RBFOX1: variants seen among roughly 807,000 people sequenced by gnomAD.
RBFOX1 encodes RNA binding protein fox-1 homolog 1.
A neutral mutation model predicts 57.7 loss-of-function variants in RBFOX1; 8 were observed. The ratio of observed to expected loss-of-function variants is 0.14; its 90% CI spans 0.08 to 0.25. The LOEUF (loss-of-function observed/expected upper bound fraction) is 0.25, where lower values mean the gene tolerates loss of function less well. Ranked by LOEUF, RBFOX1 falls within the 10% of genes least tolerant of loss-of-function variation. The pLI, the probability that RBFOX1 is intolerant of heterozygous loss-of-function variation, is 1.00. For missense variants in RBFOX1, 611 were observed against 548.5 expected, an observed-to-expected ratio of 1.11 and a Z score of -1.14; for synonymous variants, 326 against 222.4, an observed-to-expected ratio of 1.47 and a Z score of -4.15.
intron 4 of RBFOX1, among the ~76,000 whole-genome samples, chr16:7,122,844 A>G (rs1340232564): frequency 6.6e-6 from 1 of 152,210 alleles, no homozygotes; most frequent in South Asian, 2.1e-4. Context: ...CATTACATGT[A>G]CACGTGGAAT....
intron 4 of RBFOX1, among the ~76,000 whole-genome samples, chr16:5,971,325 C>T (rs530925567): frequency 8.7e-4 from 133 of 152,180 alleles, no homozygotes; most frequent in African/African-American, 2.9e-3. Context: ...CATGTGTGGA[C>T]GTTATCCTCA....
intron 14 of RBFOX1, among the ~76,000 whole-genome samples, chr16:7,698,079 G>A (rs764728420): frequency 3.3e-5 from 5 of 152,032 alleles, no homozygotes; most frequent in African/African-American, 4.8e-5. Context: ...TTCACCAGAC[G>A]TCTTTTTGCT....
intron 2 of RBFOX1, among the ~76,000 whole-genome samples, chr16:6,539,379 A>G (rs1390798136): frequency 1.3e-5 from 2 of 152,194 alleles, no homozygotes; most frequent in South Asian, 2.1e-4. Context: ...TTAGCGTAGC[A>G]TCTGGCACAC....
intron 2 of RBFOX1, among the ~76,000 whole-genome samples, chr16:6,371,525 T>A (rs1484087140): frequency 6.6e-6 from 1 of 152,148 alleles, no homozygotes; most frequent in Non-Finnish European, 1.5e-5. Context: ...CATTTTGACA[T>A]AAACCCGTAA....
chr16:7,206,413 T>G (rs2089977771), intron 4 of RBFOX1, among the ~76,000 whole-genome samples: 1 of 150,956 alleles, frequency 6.6e-6, no homozygotes, highest in South Asian at 2.1e-4. Context: ...ATTTACTTAC[T>G]GAAATATATA....
At chr16:6,960,805 G>A (rs1317946414) in intron 3 of RBFOX1, among the ~76,000 whole-genome samples, 1 of 151,720 alleles carries the variant, frequency 6.6e-6, no homozygotes, top group Non-Finnish European at 1.5e-5. Flanking sequence ...ATTGGCCCAG[G>A]GTTGGGTACC....
At chr16:6,930,531 T>C (rs1251102565) in intron 3 of RBFOX1, among the ~76,000 whole-genome samples, 4 of 152,058 alleles carry the variant, frequency 2.6e-5, no homozygotes, top group East Asian at 3.9e-4. Context: ...TGCCTCAGCC[T>C]CCCAAGCAGT....
intron 2 of RBFOX1, among the ~76,000 whole-genome samples, chr16:6,629,805 C>G (rs986896697): frequency 2.8e-4 from 42 of 152,166 alleles, no homozygotes; most frequent in Non-Finnish European, 5.1e-4. Context: ...CACAGCCTCT[C>G]CATTTAAGAT....
rs116446618 is a variant in RBFOX1 at position 7,242,777 on chromosome 16, C to G, written c.27+190679C>G. 6.8e-3 allele frequency among the ~76,000 whole-genome samples: 1,040 copies of G among 152,346 alleles called. 18 individuals are homozygous for G. The highest frequency in any genetic ancestry group is 0.023 in the African/African-American group (958 of 41,582). On this transcript the variant is annotated intron_variant, in intron 4 of 15. Transcript: ENST00000550418. ...TGGACTAACTAGTTGTCTGCAAGAA[C>G]TGGCTAAACGGCTCAGCCAAATTTT... is the stretch of plus-strand genomic sequence containing the variant.
At chr16:6,642,498 C>G (rs767759769) in intron 2 of RBFOX1, among the ~76,000 whole-genome samples, 1 of 151,912 alleles carries the variant, frequency 6.6e-6, no homozygotes, top group African/African-American at 2.4e-5. Context: ...AGCCAGCAAC[C>G]CTCGAGTTAC....
At chr16:5,707,598 T>G (rs1163203569) in intron 3 of RBFOX1, among the ~76,000 whole-genome samples, 1 of 152,184 alleles carries the variant, frequency 6.6e-6, no homozygotes. Flanking sequence ...AGTACAATAT[T>G]TAAAGGCACA....
At chr16:6,113,552 G>C (rs541268539) in intron 1 of RBFOX1, among the ~76,000 whole-genome samples, 1 of 152,286 alleles carries the variant, frequency 6.6e-6, no homozygotes, top group East Asian at 1.9e-4. Flanking sequence ...CAGAGACACA[G>C]CTCTTGAAGC....
In RBFOX1 at chr16:6,786,155, G is replaced by A. The variant is rs62016103; in HGVS notation, c.-16+131505G>A. ...GGGTCCCCCTAAATGAATGGAGTTC[G>A]GGGGCCAGGCGAAGATTCCCATGAC... On this transcript the variant is annotated intron_variant, in intron 3 of 15. Coordinates refer to ENST00000550418, the MANE Select transcript of RBFOX1 (RefSeq NM_018723.4). Among the ~76,000 whole-genome samples the A allele has an allele frequency of 1.3e-4, 20 of 152,170 alleles. No individual in the cohort carries two copies. The South Asian group carries it at 2.3e-3, about 17-fold the overall frequency.
chr16:7,263,043 T>G (rs1327904055), intron 4 of RBFOX1, among the ~76,000 whole-genome samples: 2 of 152,222 alleles, frequency 1.3e-5, no homozygotes, highest in Non-Finnish European at 2.9e-5. Flanking sequence ...GTGGAATGAC[T>G]GTTCTCTCCT....
At chr16:5,701,604 T>C (rs1487828790) in intron 3 of RBFOX1, among the ~76,000 whole-genome samples, 1 of 152,208 alleles carries the variant, frequency 6.6e-6, no homozygotes, top group Non-Finnish European at 1.5e-5. Context: ...TAATATTTTT[T>C]GTATTTTTTT....
chr16:5,655,960 A>G (rs1490607911), intron 3 of RBFOX1, among the ~76,000 whole-genome samples: 2 of 152,238 alleles, frequency 1.3e-5, no homozygotes, highest in African/African-American at 2.4e-5. Context: ...AAGGATGGTC[A>G]CTGTGTCTGT....
chr16:7,685,366 C>T (rs554607926), intron 14 of RBFOX1, among the ~76,000 whole-genome samples: 1 of 152,122 alleles, frequency 6.6e-6, no homozygotes, highest in South Asian at 2.1e-4. Context: ...TCTCCTGGCC[C>T]AGGGCCACAA....
intron 2 of RBFOX1, among the ~76,000 whole-genome samples, chr16:6,650,292 C>CTT (rs34232723): frequency 9.0e-4 from 136 of 151,490 alleles, no homozygotes; most frequent in South Asian, 3.3e-3. Context: ...TTATTTTTTT[C>CTT]TTTTTTTGCT....
intron 3 of RBFOX1, among the ~76,000 whole-genome samples, chr16:6,849,714 T>A (rs2093963807): frequency 6.6e-6 from 1 of 152,042 alleles, no homozygotes; most frequent in Non-Finnish European, 1.5e-5. Context: ...AAAGTCCATC[T>A]GCCATGACTG....
Sources: gnomAD v4.1 joint callset for allele counts (sites outside exome capture counted in the v4.1 genomes callset) on GRCh38, gnomAD v4.1.1 for gene constraint, MANE v1.5 for transcripts, NCBI Gene and HGNC (gene_info 2026-07-23, HGNC 2026-07-21) for gene names.